GLI2: variants seen among roughly 807,000 people sequenced by gnomAD.
The protein encoded by GLI2 is transcription activator GLI2.
GLI2 carries 22 observed loss-of-function variants against 78.9 expected under a neutral mutation model. That is an observed-to-expected ratio of 0.28 (90% confidence interval 0.20 to 0.40). GLI2 has a LOEUF of 0.40. Ranked by LOEUF, GLI2 falls within the 10% of genes least tolerant of loss-of-function variation. The pLI is 1.00. For missense variants in GLI2, 2,097 were observed against 2,213.2 expected (o/e 0.95, Z 1.05); for synonymous variants, 974 against 963.7 (o/e 1.01, Z -0.20).
chr2:120,766,315 C>T (rs1228581636), intron 1 of GLI2, among the ~76,000 whole-genome samples: 1 of 152,036 alleles, frequency 6.6e-6, no homozygotes, highest in Admixed American at 6.6e-5. Flanking sequence ...AGCATACCCT[C>T]GCAGGCCCCA....
At chr2:120,945,060 C>T (rs528393056) in intron 3 of GLI2, among the ~76,000 whole-genome samples, 50 of 152,338 alleles carry the variant, frequency 3.3e-4, no homozygotes, top group South Asian at 8.3e-4. Context: ...CCAGGGATCT[C>T]CCACTAGGGA....
chr2:120,923,897 G>A (rs893200577), intron 2 of GLI2, among the ~76,000 whole-genome samples: 1 of 152,004 alleles, frequency 6.6e-6, no homozygotes, highest in African/African-American at 2.4e-5. Context: ...GTCTTGTGGG[G>A]CAGAGAGGCA....
chr2:120,856,132 C>T (rs1294048513), intron 2 of GLI2, among the ~76,000 whole-genome samples: 2 of 152,108 alleles, frequency 1.3e-5, no homozygotes, highest in East Asian at 3.9e-4. Flanking sequence ...GCTGCTGACT[C>T]CTCAGCCTGA....
At chr2:120,848,522 G>T (rs1305994773) in intron 2 of GLI2, among the ~76,000 whole-genome samples, 1 of 152,192 alleles carries the variant, frequency 6.6e-6, no homozygotes, top group African/African-American at 2.4e-5. Context: ...GAAAACTTAG[G>T]TCTGTTTTTC....
At chr2:120,746,106 G>A (rs1013621101) in intron 1 of GLI2, among the ~76,000 whole-genome samples, 8 of 152,184 alleles carry the variant, frequency 5.3e-5, no homozygotes, top group African/African-American at 1.2e-4. Context: ...GATCCAGTGC[G>A]TTGCTTCTTC....
At chr2:120,956,637 G>T (rs925709458) in intron 5 of GLI2, among the ~76,000 whole-genome samples, 3 of 152,124 alleles carry the variant, frequency 2.0e-5, no homozygotes, top group African/African-American at 7.2e-5. Flanking sequence ...GAACAGGCAG[G>T]CACCTCCTGC....
chr2:120,804,227 A>G (rs12475334), intron 2 of GLI2, among the ~76,000 whole-genome samples: 79,133 of 152,072 alleles, frequency 0.52, 22,459 homozygotes, highest in South Asian at 0.7. Context: ...ACACCTAGGA[A>G]TCTGTCCAAT....
chr2:120,880,013 G>A (rs926279635), intron 2 of GLI2, among the ~76,000 whole-genome samples: 1 of 152,184 alleles, frequency 6.6e-6, no homozygotes, highest in African/African-American at 2.4e-5. Flanking sequence ...ACGAGGGTAG[G>A]AATAAATCGG....
intron 2 of GLI2, among the ~76,000 whole-genome samples, chr2:120,835,793 C>A (rs917207190): frequency 6.6e-6 from 1 of 151,612 alleles, no homozygotes; most frequent in Non-Finnish European, 1.5e-5. Context: ...TGTGTGTGTG[C>A]GTTTGTGTGT....
intron 2 of GLI2, among the ~76,000 whole-genome samples, chr2:120,847,746 C>T (rs1324991471): frequency 3.4e-5 from 2 of 58,486 alleles, no homozygotes; most frequent in African/African-American, 7.6e-5. Context: ...GCCTTGGCTG[C>T]GTGGGGGGCA....
At chr2:120,966,465 G>A (rs766034400) in intron 5 of GLI2, among the ~76,000 whole-genome samples, 4 of 152,190 alleles carry the variant, frequency 2.6e-5, no homozygotes, top group Non-Finnish European at 5.9e-5. Context: ...GCTGCTGGCT[G>A]TCTACTCCCC....
intron 1 of GLI2, among the ~76,000 whole-genome samples, chr2:120,768,666 A>G (rs1232730046): frequency 6.6e-6 from 1 of 152,182 alleles, no homozygotes; most frequent in Admixed American, 6.5e-5. Context: ...AAATAATAGT[A>G]GTGGCTTGGA....
intron 2 of GLI2, among the ~76,000 whole-genome samples, chr2:120,917,608 T>C (rs544373592): frequency 1.3e-5 from 2 of 152,360 alleles, no homozygotes; most frequent in African/African-American, 4.8e-5. Flanking sequence ...GGAGACCCCA[T>C]CCTCTGCACT....
chr2:120,754,854 CTT>C (rs61059541), intron 1 of GLI2, among the ~76,000 whole-genome samples: 89 of 142,970 alleles, frequency 6.2e-4, no homozygotes, highest in Non-Finnish European at 5.2e-4. Context: ...ACCATTTTTT[CTT>C]TTTTTTTTTT....
chr2:120,787,131 G>A (rs1264819427), intron 1 of GLI2, among the ~76,000 whole-genome samples: 3 of 152,224 alleles, frequency 2.0e-5, no homozygotes, highest in African/African-American at 4.8e-5. Flanking sequence ...CTGGCAGGGG[G>A]TGGTCCCAGG....
At chr2:120,840,520 G>A (rs2104577175) in intron 2 of GLI2, among the ~76,000 whole-genome samples, 1 of 152,306 alleles carries the variant, frequency 6.6e-6, no homozygotes, top group South Asian at 2.1e-4. Context: ...TTTTCTGTGT[G>A]ACTACCAGGT....
At chr2:120,962,057 C>T (rs1162099556) in intron 5 of GLI2, among the ~76,000 whole-genome samples, 1 of 152,166 alleles carries the variant, frequency 6.6e-6, no homozygotes, top group African/African-American at 2.4e-5. Flanking sequence ...CATGCAAGTC[C>T]ACCCACAGGT....
At chr2:120,879,788 C>T (rs1419713769) in intron 2 of GLI2, among the ~76,000 whole-genome samples, 1 of 152,192 alleles carries the variant, frequency 6.6e-6, no homozygotes, top group African/African-American at 2.4e-5. Context: ...AAACTCTGCA[C>T]GCGCCTGTTC....
Position 120,988,670 on chromosome 2 carries a change from T to C in GLI2, c.2705T>C (p.Leu902Pro), listed in dbSNP as rs1369669579. Residue 902 changes from leucine to proline, a missense_variant, in exon 14 of 14, where the codon CTG becomes CCG. Transcript: ENST00000361492. The stretch of plus-strand genomic sequence containing the variant: ...ATGAGCCTGCGGACCAGGCTGGCGC[T>C]GCTGGACGCGCCCGAGCGCACGCTG... ...ERMSLRTRLA[L>P]LDAPERTLPA... 2.2e-6 allele frequency: 3 copies of C among 1,372,036 alleles called. No individual in the cohort carries two copies. In the East Asian group the frequency reaches 1.1e-4, roughly 49 times the overall value. The allele number at this position is 1,372,036 out of a possible 1,614,324, so 85.0% of individuals were successfully genotyped here.
Sources: allele counts gnomAD v4.1 joint callset (sites outside exome capture counted in the v4.1 genomes callset), GRCh38; gene constraint gnomAD v4.1.1; transcripts MANE v1.5; gene names NCBI Gene and HGNC (gene_info 2026-07-23, HGNC 2026-07-21).